Variants in ABI3BP observed in about 807,000 individuals in gnomAD.
ABI3BP encodes target of Nesh-SH3.
A neutral mutation model predicts 268.6 loss-of-function variants in ABI3BP; 216 were observed. The ratio of observed to expected loss-of-function variants is 0.80; its 90% confidence interval spans 0.72 to 0.90. The LOEUF is 0.90. ABI3BP is among the 40% of genes least tolerant of loss of function. The pLI is 0.00. For missense variants in ABI3BP, 2,090 were observed against 2,182.4 expected, an observed-to-expected ratio of 0.96 and a Z score of 0.84; for synonymous variants, 730 against 730.0, an observed-to-expected ratio of 1.00 and a Z score of 0.00.
chr3:100,925,937 A>C (rs1223539461), intron 2 of ABI3BP, among the ~76,000 whole-genome samples: 2 of 150,884 alleles, frequency 1.3e-5, no homozygotes, highest in Non-Finnish European at 3.0e-5. Flanking sequence ...TTTCATGAAA[A>C]TACACTCAAA....
chr3:100,828,826 A>C (rs1216008852), intron 33 of ABI3BP, among the ~76,000 whole-genome samples: 2 of 152,186 alleles, frequency 1.3e-5, no homozygotes, highest in Non-Finnish European at 2.9e-5. Context: ...CAAAGAGGAC[A>C]AGAAGAGGGC....
intron 11 of ABI3BP, 190 bp from the exon 12 acceptor site, chr3:100,864,266 A>C: frequency 1.7e-6 from 1 of 584,488 alleles, no homozygotes; most frequent in Non-Finnish European, 3.1e-6. Flanking sequence ...TTCAAAGGGC[A>C]GTGGTGTGGC....
At position 100,749,401 on chromosome 3, in the gene ABI3BP, T is replaced by TGATAA. The variant is rs1180682089; in HGVS notation, c.*1089_*1093dup. ...GTTTGAAAAATACAAAATGTAGCGT[T>TGATAA]GATAAGATTGAAGCATGTTGAAAGG... On this transcript the variant is annotated 3_prime_UTR_variant, in exon 68 of 68. Coordinates refer to ENST00000471714, the MANE Select transcript of ABI3BP (RefSeq NM_001375547.2). 12 of 373,120 alleles carry TGATAA rather than the reference T, an allele frequency of 3.2e-5. No individual in the cohort carries two copies. The highest frequency in any genetic ancestry group is 1.5e-4 in the African/African-American group (7 of 48,160). 23.1% of individuals were successfully genotyped at this position (373,120 alleles called of 1,614,324 possible).
At chr3:100,816,370 G>A (rs1197539986) in intron 43 of ABI3BP, 23 of 489,788 alleles carry the variant, frequency 4.7e-5, no homozygotes, top group Admixed American at 3.6e-5. Flanking sequence ...ATAACAAATG[G>A]ATCACATGTT....
intron 62 of ABI3BP, 108 bp downstream of exon 62, chr3:100,770,635 C>T: frequency 9.2e-7 from 1 of 1,092,270 alleles, no homozygotes; most frequent in African/African-American, 1.6e-5. Context: ...AGTTTTGTCT[C>T]CTCCCCAGGT....
intron 1 of ABI3BP, among the ~76,000 whole-genome samples, chr3:100,970,744 T>A (rs1369391559): frequency 6.6e-6 from 1 of 152,104 alleles, no homozygotes; most frequent in African/African-American, 2.4e-5. Flanking sequence ...GTGCTGAAAG[T>A]TTTCTTCTGT....
intron 2 of ABI3BP, among the ~76,000 whole-genome samples, chr3:100,924,151 C>T (rs1182932151): frequency 9.9e-5 from 15 of 151,910 alleles, no homozygotes; most frequent in East Asian, 3.8e-4. Context: ...ATATAGAATA[C>T]GGACATTCTC....
chr3:100,762,627 T>C (rs933640679), intron 63 of ABI3BP, among the ~76,000 whole-genome samples: 1 of 152,214 alleles, frequency 6.6e-6, no homozygotes, highest in Non-Finnish European at 1.5e-5. Context: ...ATAATTTACC[T>C]CATTTTACTT....
intron 6 of ABI3BP, among the ~76,000 whole-genome samples, chr3:100,878,257 G>A (rs2099184450): frequency 6.6e-6 from 1 of 152,094 alleles, no homozygotes; most frequent in Non-Finnish European, 1.5e-5. Context: ...TGCATCCACA[G>A]TATAACACAA....
chr3:100,926,272 C>T (rs2061784371), intron 2 of ABI3BP, 30 bp downstream of exon 2: 1 of 1,608,702 alleles, frequency 6.2e-7, no homozygotes, highest in Non-Finnish European at 8.5e-7. Context: ...TACCTCCTTT[C>T]CTTCCCAGCC....
chr3:100,985,395 C>T (rs368086475), intron 1 of ABI3BP, among the ~76,000 whole-genome samples: 15 of 152,038 alleles, frequency 9.9e-5, no homozygotes, highest in East Asian at 9.7e-4. Flanking sequence ...GTGATCCGCC[C>T]GCCTTGGCCT....
At chr3:100,771,583 A>G (rs867525133) in intron 61 of ABI3BP, among the ~76,000 whole-genome samples, 12 of 152,354 alleles carry the variant, frequency 7.9e-5, no homozygotes, top group Non-Finnish European at 1.2e-4. Flanking sequence ...GATATTAAAA[A>G]AGACCCAAAT....
At chr3:100,773,069 G>A (rs1266335679) in intron 61 of ABI3BP, among the ~76,000 whole-genome samples, 3 of 132,846 alleles carry the variant, frequency 2.3e-5, no homozygotes, top group Non-Finnish European at 4.7e-5. Context: ...CAGAGCGAGA[G>A]TCCATCTCAA....
Position 100,875,576 on chromosome 3 carries a change from A to G in ABI3BP, c.749T>C (p.Ile250Thr), listed in dbSNP as rs1275068949. Residue 250 changes from isoleucine to threonine, a missense_variant, in exon 8 of 68, where the codon ATT becomes ACT. Transcript: ENST00000471714. ...TGAATCCTTGTGAGTAACATTCTGA[A>G]TCACTGTTGAAATACAAAAAGACAG... ...LIPITIIKQV[I>T]QNVTHKDSAK... The G allele has an allele frequency of 1.2e-6, 2 of 1,612,012 alleles. No homozygotes were observed. Among genetic ancestry groups the G allele is most frequent in the Non-Finnish European group, 8.5e-7 (1 of 1,178,116 alleles).
At chr3:100,837,395 G>A (rs2098611739) in intron 26 of ABI3BP, 1 of 442,414 alleles carries the variant, frequency 2.3e-6, no homozygotes, top group Non-Finnish European at 3.9e-6. Context: ...AAAACAGTTG[G>A]ATTCTGAGAA....
At chr3:100,830,067 C>T (rs1037022563) in intron 32 of ABI3BP, among the ~76,000 whole-genome samples, 2 of 121,962 alleles carry the variant, frequency 1.6e-5, no homozygotes, top group Non-Finnish European at 3.6e-5. Context: ...AGAACACACC[C>T]TTACCCCAAA....
chr3:100,966,945 T>C (rs1349246786), intron 1 of ABI3BP, among the ~76,000 whole-genome samples: 2 of 152,160 alleles, frequency 1.3e-5, no homozygotes, highest in East Asian at 1.9e-4. Context: ...TAAGGCTTTT[T>C]TTTTTTTCAA....
intron 51 of ABI3BP, among the ~76,000 whole-genome samples, chr3:100,802,540 T>G (rs1295164040): frequency 6.6e-6 from 1 of 152,192 alleles, no homozygotes; most frequent in Non-Finnish European, 1.5e-5. Flanking sequence ...GATTCCTCAT[T>G]AAATGTAATA....
chr3:100,953,514 G>A (rs16843054), intron 1 of ABI3BP, among the ~76,000 whole-genome samples: 2,377 of 152,194 alleles, frequency 0.016, 51 homozygotes, highest in Admixed American at 0.054. Context: ...TCTGACACAC[G>A]ATAAGAGCTA....
Sources: gnomAD v4.1 joint callset for allele counts (sites outside exome capture counted in the v4.1 genomes callset) on GRCh38, gnomAD v4.1.1 for gene constraint, MANE v1.5 for transcripts, NCBI Gene and HGNC (gene_info 2026-07-23, HGNC 2026-07-21) for gene names.